The following AKNAD1 variants were observed in gnomAD, a reference collection of about 807,000 sequenced individuals.
AKNAD1 encodes AKNA domain containing 1.
Under a neutral mutation model 90.8 loss-of-function variants are expected in AKNAD1, and 67 were observed. That is an observed-to-expected ratio of 0.74 (90% CI 0.61 to 0.90). AKNAD1 has a LOEUF of 0.90. AKNAD1 is among the 40% of genes least tolerant of loss of function. The pLI is 0.00. For missense variants in AKNAD1, 957 were observed against 975.4 expected (o/e 0.98, Z 0.25); for synonymous variants, 327 against 341.4 (o/e 0.96, Z 0.46).
At chr1:108,822,882 T>C (rs1295954523) in intron 13 of AKNAD1, among the ~76,000 whole-genome samples, 1 of 152,226 alleles carries the variant, frequency 6.6e-6, no homozygotes, top group Non-Finnish European at 1.5e-5. Context: ...ATTCATCTTT[T>C]TAAATATGTG....
chr1:108,827,732 G>T (rs376303106), intron 10 of AKNAD1, among the ~76,000 whole-genome samples: 7 of 148,192 alleles, frequency 4.7e-5, no homozygotes, highest in East Asian at 4.1e-4. Context: ...GAGAATGGCG[G>T]GAACCCGGGA....
intron 5 of AKNAD1, among the ~76,000 whole-genome samples, chr1:108,844,469 C>A (rs1248549118): frequency 6.6e-6 from 1 of 151,528 alleles, no homozygotes; most frequent in African/African-American, 2.4e-5. Context: ...GAGAGAGAGA[C>A]CTTTGCCAAG....
At chr1:108,822,140 A>G (rs1340770950) in intron 13 of AKNAD1, among the ~76,000 whole-genome samples, 1 of 152,030 alleles carries the variant, frequency 6.6e-6, no homozygotes, top group East Asian at 1.9e-4. Context: ...AGAGTTAGAA[A>G]GCACCACAGT....
upstream of AKNAD1, among the ~76,000 whole-genome samples, chr1:108,857,755 A>G (rs976820940): frequency 1.3e-5 from 2 of 152,202 alleles, no homozygotes; most frequent in African/African-American, 2.4e-5. Flanking sequence ...CCCTCCACTA[A>G]GGTACCAGTT....
intron 7 of AKNAD1, 55 bp downstream of exon 7, chr1:108,837,495 A>G: frequency 1.3e-6 from 2 of 1,532,378 alleles, no homozygotes; most frequent in Non-Finnish European, 1.8e-6. Flanking sequence ...GAGTCTATAA[A>G]TGCAAAAACA....
chr1:108,845,508 G>T (rs1436296934), intron 5 of AKNAD1, among the ~76,000 whole-genome samples: 1 of 152,176 alleles, frequency 6.6e-6, no homozygotes, highest in Non-Finnish European at 1.5e-5. Flanking sequence ...AGCTCCCCAC[G>T]GGTCCTTCCA....
At chr1:108,854,347 G>C (rs1442456426) in intron 1 of AKNAD1, among the ~76,000 whole-genome samples, 1 of 152,164 alleles carries the variant, frequency 6.6e-6, no homozygotes, top group Admixed American at 6.5e-5. Flanking sequence ...ACAGCTGCTG[G>C]CAGCCTCCCT....
intron 14 of AKNAD1, 41 bp downstream of exon 14, chr1:108,820,504 A>G (rs1297231302): frequency 7.4e-7 from 1 of 1,347,458 alleles, no homozygotes; most frequent in East Asian, 2.3e-5. Context: ...CCACCCAACC[A>G]ATGAGAAATA....
intron 15 of AKNAD1, 39 bp downstream of exon 15, chr1:108,817,009 G>C: frequency 1.9e-6 from 3 of 1,608,974 alleles, no homozygotes; most frequent in African/African-American, 1.3e-5. Context: ...TCAAACTTAC[G>C]AGCTGCAATG....
chr1:108,854,074 A>G (rs1292137235), intron 1 of AKNAD1, among the ~76,000 whole-genome samples: 1 of 151,946 alleles, frequency 6.6e-6, no homozygotes, highest in Non-Finnish European at 1.5e-5. Context: ...TCCCTGAACA[A>G]CCCCTGCCAG....
At chr1:108,857,743 G>A (rs1665088947), upstream of AKNAD1, among the ~76,000 whole-genome samples, 1 of 152,114 alleles carries the variant, frequency 6.6e-6, no homozygotes, top group Non-Finnish European at 1.5e-5. Context: ...TACCTTATCT[G>A]CCCCTCCACT....
upstream of AKNAD1, among the ~76,000 whole-genome samples, chr1:108,857,792 C>A (rs1431809428): frequency 6.6e-6 from 1 of 152,176 alleles, no homozygotes; most frequent in Non-Finnish European, 1.5e-5. Context: ...ACTCACAAGT[C>A]CTACACTTCT....
At chr1:108,829,727 G>T (rs1298067368) in intron 10 of AKNAD1, among the ~76,000 whole-genome samples, 1 of 152,188 alleles carries the variant, frequency 6.6e-6, no homozygotes, top group Non-Finnish European at 1.5e-5. Flanking sequence ...TTCAGACCCT[G>T]TCATCTGCTT....
rs745843903 is a variant in AKNAD1 at position 108,827,312 on chromosome 1, G to A, written c.1839-10C>T. The A allele has an allele frequency of 1.3e-6, 2 of 1,588,112 alleles. No homozygotes were observed. Among genetic ancestry groups the A allele is most frequent in the South Asian group, 2.2e-5 (2 of 90,028 alleles). On this transcript the variant is annotated splice_polypyrimidine_tract_variant and intron_variant, in intron 10 of 15. Transcript: ENST00000370001. ...CTCCACGTTTTGCTTCCTAAAAAAA[G>A]GTGCATAAGATCCTGTAAACTTTTA...
At chr1:108,838,329 C>A (rs6679748) in intron 6 of AKNAD1, among the ~76,000 whole-genome samples, 49,040 of 136,176 alleles carry the variant, frequency 0.36, 8,211 homozygotes, top group Non-Finnish European at 0.38. Context: ...GCCCCCCCCC[C>A]AAAAAAAACC....
At position 108,837,612 on chromosome 1, in the gene AKNAD1, G is replaced by C. The variant is rs754689183; in HGVS notation, c.1474C>G (p.Pro492Ala). ...TCCAGGGTAACTGGAGAACTCACAG[G>C]AAGGGAAGGAGCTGAAGTATATTTG... is the stretch of plus-strand genomic sequence containing the variant. ...ESKYTSAPSL[P>A]VSSPVTLDDL... The change falls in exon 7 of 16, where the codon CCT becomes GCT. Residue 492 changes from proline (P) to alanine (A), a missense_variant. By Grantham distance (27) the Pro-to-Ala change is conservative. Transcript: ENST00000370001. The C allele has an allele frequency of 1.2e-6, 2 of 1,614,194 alleles. No homozygotes were observed. The highest frequency in any genetic ancestry group is 1.7e-6 in the Non-Finnish European group (2 of 1,180,036).
intron 6 of AKNAD1, among the ~76,000 whole-genome samples, chr1:108,838,768 A>C (rs1664453257): frequency 6.6e-6 from 1 of 152,166 alleles, no homozygotes; most frequent in African/African-American, 2.4e-5. Context: ...TGAAAAATCC[A>C]TATCAACACC....
chr1:108,850,647 A>G (rs1664827103), intron 2 of AKNAD1, among the ~76,000 whole-genome samples: 1 of 151,992 alleles, frequency 6.6e-6, no homozygotes, highest in South Asian at 2.1e-4. Flanking sequence ...AAAAAAAGAG[A>G]GAGAGAGAAA....
At position 108,851,697 on chromosome 1, in the gene AKNAD1, A is replaced by T. The variant is rs936695414; in HGVS notation, c.968T>A (p.Ile323Asn). The change falls in exon 2 of 16, where the codon ATC becomes AAC. Residue 323 changes from isoleucine to asparagine, a missense_variant. Transcript: ENST00000370001. ...EKQHQEQKGK[I>N]TEPSQQIQME... is the part of the protein sequence containing the mutation. ...CTGGATTTGTTGTGAAGGTTCAGTGATTTTCCCTTTCTGCTCTTGATGTTG... is the reference window on the plus strand; with the variant it reads ...CTGGATTTGTTGTGAAGGTTCAGTGTTTTTCCCTTTCTGCTCTTGATGTTG... 2 of 1,598,252 alleles carry T rather than the reference A, an allele frequency of 1.3e-6. No individual in the cohort carries two copies. Among genetic ancestry groups the T allele is most frequent in the Admixed American group, 3.6e-5 (2 of 55,718 alleles).
Sources: gnomAD v4.1 joint callset for allele counts (sites outside exome capture counted in the v4.1 genomes callset) on GRCh38, gnomAD v4.1.1 for gene constraint, MANE v1.5 for transcripts, NCBI Gene and HGNC (gene_info 2026-07-23, HGNC 2026-07-21) for gene names.